Variants in UGT2A2 observed in about 807,000 individuals in gnomAD.
UGT2A2 encodes the protein UDP-glucuronosyltransferase 2A2.
A neutral mutation model predicts 50.7 loss-of-function variants in UGT2A2; 60 were observed. The observed-to-expected ratio is 1.18, with a 90% CI of 0.96 to 1.47. The LOEUF is 1.47. Among genes scored for constraint, UGT2A2 ranks in the 40% most tolerant of loss-of-function variants. The probability of loss-of-function intolerance (pLI) is 0.00; values close to 1 mark genes in which losing one functional copy is unlikely to be tolerated. For synonymous variants in UGT2A2, 242 were observed against 214.6 expected, an observed-to-expected ratio of 1.13 and a Z score of -1.11; for missense variants, 762 against 634.0, an observed-to-expected ratio of 1.20 and a Z score of -2.17.
rs1577950684 is a variant in UGT2A2 at position 69,599,354 on chromosome 4, T to G, written c.783A>C (p.Glu261Asp). Residue 261 changes from glutamate to aspartate, a missense_variant, in exon 2 of 6, where the codon GAA (glutamate) becomes GAC (aspartate). Glu to Asp is a conservative substitution (Grantham distance 45). Transcript: ENST00000604629. Reference sequence around the variant, plus strand: ...CCCAATATGTTCGGATTAACCAAATTTCAGCTTTCCCCATAGTCTCACATA... The same window carrying G: ...CCCAATATGTTCGGATTAACCAAATGTCAGCTTTCCCCATAGTCTCACATA... ...TTLCETMGKA[E>D]IWLIRTYWDF... is the part of the protein sequence containing the mutation. The G allele has an allele frequency of 1.2e-6, 2 of 1,613,712 alleles. No homozygotes were observed. The highest frequency in any genetic ancestry group is 1.7e-6 in the Non-Finnish European group (2 of 1,179,878).
rs116757125 is a variant in UGT2A2, at chr4:69,595,634, G to A, written c.1024-385C>T. Among the ~76,000 whole-genome samples, 1,275 of 152,112 alleles carry A rather than the reference G, an allele frequency of 8.4e-3. 21 individuals are homozygous for A. Among genetic ancestry groups the A allele is most frequent in the African/African-American group, 0.029 (1,203 of 41,490 alleles). ...GTCCTAGGATGTGTCATGAATAGAAGTATAAAAAGAATAGAAATGCAAAAT... is the reference window on the plus strand; with the variant it reads ...GTCCTAGGATGTGTCATGAATAGAAATATAAAAAGAATAGAAATGCAAAAT... On this transcript the variant is annotated intron_variant, in intron 3 of 5. Transcript: ENST00000604629.
At chr4:69,614,301 A>G (rs1024378567) in intron 1 of UGT2A2, among the ~76,000 whole-genome samples, 4 of 152,040 alleles carry the variant, frequency 2.6e-5, no homozygotes, top group African/African-American at 9.7e-5. Flanking sequence ...ACTACAAAAT[A>G]TGGATGAAAA....
Position 69,615,091 on chromosome 4 carries a change from A to C in UGT2A2, c.743-15697T>G, listed in dbSNP as rs556194731. Among the ~76,000 whole-genome samples, 103 of 152,086 alleles carry C rather than the reference A, an allele frequency of 6.8e-4. 1 individual carries two copies. Among genetic ancestry groups the C allele is most frequent in the African/African-American group, 2.2e-3 (92 of 41,516 alleles). On this transcript the variant is annotated intron_variant, in intron 1 of 5. Transcript: ENST00000604629. ...TCATGATCCAATCACCTTTCAACAG[A>C]TCCCTCCCCCAACATTTTGAATTAC...
At chr4:69,628,096 C>G (rs1721189607) in intron 1 of UGT2A2, among the ~76,000 whole-genome samples, 1 of 151,890 alleles carries the variant, frequency 6.6e-6, no homozygotes, top group South Asian at 2.1e-4. Context: ...TGTCAAGAAG[C>G]ATTTCCCTAT....
chr4:69,610,808 A>G (rs563050899), intron 1 of UGT2A2, among the ~76,000 whole-genome samples: 32 of 152,336 alleles, frequency 2.1e-4, no homozygotes, highest in African/African-American at 7.7e-4. Context: ...ACGTCTAGCC[A>G]TCAGAACTGT....
chr4:69,615,146 A>G (rs1486790039), intron 1 of UGT2A2, among the ~76,000 whole-genome samples: 3 of 152,068 alleles, frequency 2.0e-5, no homozygotes, highest in African/African-American at 7.2e-5. Flanking sequence ...ATGAGGACAC[A>G]GGAGACAAAC....
At position 69,594,476 on chromosome 4, in the gene UGT2A2, C is replaced by A; in HGVS notation, c.1331+1G>T. 1.2e-6 allele frequency: 2 copies of A among 1,613,982 alleles called. No individual in the cohort carries two copies. Among genetic ancestry groups the A allele is most frequent in the Non-Finnish European group, 1.7e-6 (2 of 1,179,962 alleles). ...AAGTTTTTAGGAGCCTTAGTACTTA[C>A]GAAGGTTCATTAATGACTGTTCTCA... is the stretch of plus-strand genomic sequence containing the variant. On this transcript the variant is annotated splice_donor_variant, in intron 5 of 5. Transcript: ENST00000604629. LOFTEE classifies it high-confidence loss of function.
intron 1 of UGT2A2, among the ~76,000 whole-genome samples, chr4:69,637,818 A>T (rs1445886993): frequency 6.6e-6 from 1 of 152,080 alleles, no homozygotes; most frequent in Non-Finnish European, 1.5e-5. Context: ...TGTAGGAACT[A>T]GGTTGGCATT....
rs755629670 is a variant in UGT2A2, at chr4:69,639,397, C to T, written c.244G>A (p.Val82Met). ...SNPDSPVNFE[V>M]IPVSYKKSNI... ...CTCTTCTTGTAGGAAACAGGTATCA[C>T]TTCAAAATTCACAGGAGAATCGGGA... Residue 82 changes from valine to methionine, a missense_variant, in exon 1 of 6, where the codon GTG (valine) becomes ATG (methionine). Val to Met is a conservative substitution (Grantham distance 21). Coordinates refer to ENST00000604629, the MANE Select transcript of UGT2A2 (RefSeq NM_001105677.2). 27 of 1,613,396 alleles carry T rather than the reference C, an allele frequency of 1.7e-5. No homozygotes were observed. The Admixed American group carries it at 4.3e-4, about 26-fold the overall frequency.
At chr4:69,610,184 T>G (rs1217091039) in intron 1 of UGT2A2, among the ~76,000 whole-genome samples, 5 of 152,128 alleles carry the variant, frequency 3.3e-5, no homozygotes, top group Non-Finnish European at 5.9e-5. Context: ...TATAAAATAT[T>G]TTTAAATGTG....
intron 1 of UGT2A2, among the ~76,000 whole-genome samples, chr4:69,622,043 T>C (rs28544323): frequency 0.35 from 53,114 of 151,224 alleles, 9,634 homozygotes; most frequent in African/African-American, 0.43. Flanking sequence ...GAAGAGAAAA[T>C]ATAACTATTG....
intron 1 of UGT2A2, among the ~76,000 whole-genome samples, chr4:69,608,702 C>A (rs981801565): frequency 5.6e-4 from 85 of 151,940 alleles, no homozygotes; most frequent in African/African-American, 2.0e-3. Context: ...ATTTTATTAT[C>A]ATTATTTTTA....
intron 1 of UGT2A2, among the ~76,000 whole-genome samples, chr4:69,636,501 C>T (rs1721718485): frequency 6.6e-6 from 1 of 151,620 alleles, no homozygotes. Flanking sequence ...TATTTAATTT[C>T]TTAAATGATA....
chr4:69,613,248 A>C (rs145734385), intron 1 of UGT2A2, among the ~76,000 whole-genome samples: 16 of 152,078 alleles, frequency 1.1e-4, no homozygotes, highest in African/African-American at 3.9e-4. Context: ...AAGTAAACAG[A>C]TACCTAGACA....
chr4:69,599,250 G>C lies in UGT2A2; in HGVS notation c.887C>G (p.Pro296Arg). 1 of 1,613,216 alleles carries C rather than the reference G, an allele frequency of 6.2e-7. No homozygotes were observed. Among genetic ancestry groups the C allele is most frequent in the Non-Finnish European group, 8.5e-7 (1 of 1,179,698 alleles). ...GLHCKPAKPL[P>R]KEMEEFIQSS... ...CCTCCACTGTTGTAGACCTACCTTAGGTAAAGGTTTGGCAGGTTTGCAGTG... is the reference window on the plus strand; with the variant it reads ...CCTCCACTGTTGTAGACCTACCTTACGTAAAGGTTTGGCAGGTTTGCAGTG... Residue 296 changes from proline (P) to arginine (R), a missense_variant, in exon 2 of 6, where the codon CCT becomes CGT. By Grantham distance (103) the Pro-to-Arg change is moderately radical. Coordinates refer to ENST00000604629, the MANE Select transcript of UGT2A2 (RefSeq NM_001105677.2).
intron 1 of UGT2A2, among the ~76,000 whole-genome samples, chr4:69,621,724 C>T (rs1033470250): frequency 3.8e-4 from 57 of 151,876 alleles, no homozygotes; most frequent in African/African-American, 1.3e-3. Flanking sequence ...CAGCATGATT[C>T]ACAATAGCAA....
chr4:69,639,274 G>T lies in UGT2A2; in HGVS notation c.367C>A (p.Leu123Ile), dbSNP rs766439104. 8 of 1,613,550 alleles carry T rather than the reference G, an allele frequency of 5.0e-6. No individual in the cohort carries two copies. In the Admixed American group the frequency reaches 8.3e-5, roughly 17 times the overall value. Residue 123 changes from leucine to isoleucine, a missense_variant, in exon 1 of 6, where the codon CTT (leucine) becomes ATT (isoleucine). Transcript: ENST00000604629. ...IWAFYKELGKLLDTFFQINIQ... is the reference protein window; with the variant it reads ...IWAFYKELGKILDTFFQINIQ... ...TTAATTTGAAAGAAAGTGTCTAGAA[G>T]TTTTCCTAGTTCTTTGTAGAAAGCC...
intron 1 of UGT2A2, among the ~76,000 whole-genome samples, chr4:69,625,012 T>A (rs891431541): frequency 4.0e-5 from 6 of 148,226 alleles, no homozygotes; most frequent in Non-Finnish European, 3.0e-5. Context: ...ACAAAAAAAA[T>A]CAGCCTTTAT....
intron 1 of UGT2A2, among the ~76,000 whole-genome samples, chr4:69,600,826 C>A (rs1194503991): frequency 6.6e-6 from 1 of 150,810 alleles, no homozygotes; most frequent in Non-Finnish European, 1.5e-5. Context: ...AAAAACAGAT[C>A]TCGTGATAAC....
Sources: gnomAD v4.1 joint callset for allele counts (sites outside exome capture counted in the v4.1 genomes callset) on GRCh38, gnomAD v4.1.1 for gene constraint, MANE v1.5 for transcripts, NCBI Gene and HGNC (gene_info 2026-07-23, HGNC 2026-07-21) for gene names.